UQCC5: variants seen among roughly 807,000 people sequenced by gnomAD.
UQCC5 encodes UPF0640 protein C3orf78.
the UQCC5 span, chr3:52,540,473 G>T: frequency 6.5e-7 from 1 of 1,531,074 alleles, no homozygotes. Flanking sequence ...AGAGAAGGCT[G>T]GAAGATGAAT....
chr3:52,540,326 A>C, the UQCC5 span: 8 of 845,148 alleles, frequency 9.5e-6, no homozygotes, highest in African/African-American at 7.2e-5. Context: ...CAAGATTCAG[A>C]AGTAGGTGAC....
chr3:52,539,324 CG>C, the UQCC5 span, among the ~76,000 whole-genome samples: 2 of 152,106 alleles, frequency 1.3e-5, no homozygotes, highest in Non-Finnish European at 2.9e-5. Context: ...AGCGGCTGAG[CG>C]GGTAAGACGG....
chr3:52,540,162 C>T, the UQCC5 span, among the ~76,000 whole-genome samples: 1 of 152,222 alleles, frequency 6.6e-6, no homozygotes, highest in Non-Finnish European at 1.5e-5. Context: ...AAGTGAGGGA[C>T]ATCTTAAAAC....
chr3:52,540,898 T>C, the UQCC5 span: 5 of 155,496 alleles, frequency 3.2e-5, no homozygotes, highest in East Asian at 9.5e-4. Context: ...TGCCAGATCA[T>C]TTAAACCAGG....
chr3:52,536,655 A>G, the UQCC5 span: 6 of 1,503,396 alleles, frequency 4.0e-6, no homozygotes, highest in East Asian at 1.5e-4. Flanking sequence ...CTAGTCTCCC[A>G]GGTCGCGGTA....
chr3:52,539,946 G>C, the UQCC5 span, among the ~76,000 whole-genome samples: 1 of 152,186 alleles, frequency 6.6e-6, no homozygotes, highest in Non-Finnish European at 1.5e-5. Context: ...CTGGAAAGAA[G>C]ATTCTTTACA....
the UQCC5 span, chr3:52,537,046 GC>G: frequency 8.3e-7 from 1 of 1,197,684 alleles, no homozygotes; most frequent in African/African-American, 1.5e-5. Flanking sequence ...CATTCGCTTG[GC>G]AGTCAGGGCG....
chr3:52,540,384 A>G, the UQCC5 span: 37 of 1,391,902 alleles, frequency 2.7e-5, no homozygotes, highest in South Asian at 4.8e-4. Context: ...AATTTTAAAT[A>G]TGTTTCTTAA....
At chr3:52,539,136 A>G in the UQCC5 span, among the ~76,000 whole-genome samples, 75 of 152,194 alleles carry the variant, frequency 4.9e-4, no homozygotes, top group Non-Finnish European at 8.5e-4. Flanking sequence ...CAGACACCTC[A>G]GTGGACCCAG....
chr3:52,540,280 T>G, the UQCC5 span: 3 of 616,644 alleles, frequency 4.9e-6, no homozygotes, highest in Non-Finnish European at 8.2e-6. Flanking sequence ...AAGTTTTGTT[T>G]TAAGTTTATT....
chr3:52,536,886 G>T, the UQCC5 span: 14 of 1,551,638 alleles, frequency 9.0e-6, no homozygotes, highest in East Asian at 1.5e-4. Flanking sequence ...ATTAAAGTGC[G>T]CGTGGGCCAG....
the UQCC5 span, among the ~76,000 whole-genome samples, chr3:52,539,454 G>A: frequency 6.6e-6 from 1 of 152,124 alleles, no homozygotes; most frequent in African/African-American, 2.4e-5. Context: ...GGAAGATGTT[G>A]AAGGTGAAGG....
the UQCC5 span, chr3:52,537,041 G>A: frequency 8.0e-7 from 1 of 1,252,766 alleles, no homozygotes; most frequent in Non-Finnish European, 1.1e-6. Context: ...AGTTCCATTC[G>A]CTTGGCAGTC....
chr3:52,536,876 A>G, the UQCC5 span: 1,879 of 1,551,590 alleles, frequency 1.2e-3, 2 homozygotes, highest in Non-Finnish European at 1.5e-3. Context: ...GTGGATCATG[A>G]TTAAAGTGCG....
At chr3:52,536,860 G>A in the UQCC5 span, 3 of 1,551,710 alleles carry the variant, frequency 1.9e-6, no homozygotes, top group South Asian at 3.6e-5. Flanking sequence ...TGGGAGGAAC[G>A]ATGGAGTGGA....
the UQCC5 span, among the ~76,000 whole-genome samples, chr3:52,538,351 G>A: frequency 6.6e-6 from 1 of 152,244 alleles, no homozygotes; most frequent in Non-Finnish European, 1.5e-5. Flanking sequence ...TGACGAGGTA[G>A]ATATGGTTAT....
the UQCC5 span, among the ~76,000 whole-genome samples, chr3:52,538,457 T>G: frequency 6.6e-6 from 1 of 152,210 alleles, no homozygotes; most frequent in Non-Finnish European, 1.5e-5. Flanking sequence ...CCCAACATTT[T>G]AATTTAATTT....
chr3:52,539,269 G>A, the UQCC5 span, among the ~76,000 whole-genome samples: 2 of 152,184 alleles, frequency 1.3e-5, no homozygotes, highest in Non-Finnish European at 2.9e-5. Flanking sequence ...ATATTGACAA[G>A]AGTATGAAGG....
chr3:52,537,010 C>T, the UQCC5 span: 4 of 1,443,556 alleles, frequency 2.8e-6, no homozygotes, highest in African/African-American at 1.4e-5. Flanking sequence ...GCGCATTCCA[C>T]TCAGAGCGCT....
Sources: allele counts gnomAD v4.1 joint callset (sites outside exome capture counted in the v4.1 genomes callset), GRCh38; gene constraint gnomAD v4.1.1; transcripts MANE v1.5; gene names NCBI Gene and HGNC (gene_info 2026-07-23, HGNC 2026-07-21).